The following DNAH10 variants were observed in gnomAD, a reference collection of about 807,000 sequenced individuals.
DNAH10 encodes axonemal beta dynein heavy chain 10.
A neutral mutation model predicts 506.6 loss-of-function variants in DNAH10; 348 were observed. The observed-to-expected ratio is 0.69, with a 90% confidence interval of 0.63 to 0.75. The LOEUF (loss-of-function observed/expected upper bound fraction) is 0.75, where lower values mean the gene tolerates loss of function less well. Ranked by LOEUF, DNAH10 falls within the 30% of genes least tolerant of loss-of-function variation. The pLI is 0.00. For synonymous variants in DNAH10, 2,059 were observed against 2,198.6 expected (o/e 0.94, Z 1.78); for missense variants, 5,179 against 5,787.1 (o/e 0.89, Z 3.41).
chr12:123,928,644 A>C lies in DNAH10; in HGVS notation c.12306+57A>C, dbSNP rs1384002266. The C allele has an allele frequency of 3.3e-6, 5 of 1,522,636 alleles. No homozygotes were observed. Among genetic ancestry groups the C allele is most frequent in the Non-Finnish European group, 4.4e-6 (5 of 1,127,924 alleles). 94.3% of individuals were successfully genotyped at this position (1,522,636 alleles called of 1,614,324 possible). A position where few individuals can be genotyped will look rare whatever the true frequency, so the allele number is the denominator to read the frequency against. Reference sequence around the variant, plus strand: ...GCACGCAGCTTCTCAGAACACCTGCATGCTGCTCTGGGGCCGGGGTGTGCC... The same window carrying C: ...GCACGCAGCTTCTCAGAACACCTGCCTGCTGCTCTGGGGCCGGGGTGTGCC... On this transcript the variant is annotated intron_variant, in intron 70 of 78. Transcript: ENST00000673944. This position sits in a 1 kb window ranked among gnomAD's most constrained non-coding sequence, Gnocchi z 4.9.
At position 123,762,861 on chromosome 12, in the gene DNAH10, C is replaced by A. The variant is rs1428924572; in HGVS notation, c.214+311C>A. Among the ~76,000 whole-genome samples, 1 of 152,246 alleles carries A rather than the reference C, an allele frequency of 6.6e-6. No individual in the cohort carries two copies. The highest frequency in any genetic ancestry group is 1.5e-5 in the Non-Finnish European group (1 of 68,044). ...GTATCAACTCCTTAACCCTACGAGGCGGGTGTATCCTCATCCCTATTTTAC... is the reference window on the plus strand; with the variant it reads ...GTATCAACTCCTTAACCCTACGAGGAGGGTGTATCCTCATCCCTATTTTAC... On this transcript the variant is annotated intron_variant, in intron 1 of 78. Transcript: ENST00000673944. This position sits in a 1 kb window ranked among gnomAD's most constrained non-coding sequence, Gnocchi z 5.0.
chr12:123,874,915 A>C (rs1030910436), intron 46 of DNAH10, among the ~76,000 whole-genome samples: 1 of 152,306 alleles, frequency 6.6e-6, no homozygotes, highest in East Asian at 1.9e-4. Flanking sequence ...CCATCTGTCC[A>C]TCCATCCATC....
intron 28 of DNAH10, among the ~76,000 whole-genome samples, chr12:123,837,356 A>G (rs1436631965): frequency 6.6e-6 from 1 of 151,688 alleles, no homozygotes; most frequent in Non-Finnish European, 1.5e-5. Context: ...AAAAAAGAAA[A>G]AAGAAAAAGA....
At chr12:123,897,405 CT>C (rs1490026215) in intron 54 of DNAH10, among the ~76,000 whole-genome samples, 4 of 152,120 alleles carry the variant, frequency 2.6e-5, no homozygotes, top group Non-Finnish European at 5.9e-5. Flanking sequence ...ATATTTAACT[CT>C]TTGAAGAATC....
intron 48 of DNAH10, 70 bp downstream of exon 48, chr12:123,877,978 G>A: frequency 6.6e-7 from 1 of 1,510,596 alleles, no homozygotes; most frequent in South Asian, 1.3e-5. Context: ...TTAAGACAGA[G>A]GGCTTATCAG....
intron 45 of DNAH10, 46 bp from the exon 46 acceptor site, chr12:123,873,512 C>T (rs375941993): frequency 4.5e-6 from 7 of 1,568,048 alleles, no homozygotes; most frequent in Non-Finnish European, 5.2e-6. Flanking sequence ...ACTGCTGCTA[C>T]CCTGGGGAAA....
intron 30 of DNAH10, among the ~76,000 whole-genome samples, chr12:123,844,936 A>T (rs867344387): frequency 6.6e-6 from 1 of 152,122 alleles, no homozygotes; most frequent in African/African-American, 2.4e-5. Context: ...CACCGTGCCC[A>T]GCCTGGAATA....
At chr12:123,870,256 A>G (rs377316547) in intron 43 of DNAH10, 110 bp from the exon 44 acceptor site, 4 of 1,411,414 alleles carry the variant, frequency 2.8e-6, no homozygotes, top group African/African-American at 1.4e-5. Context: ...AGTACTCACT[A>G]TGGCCTCCGT....
chr12:123,865,812 A>T, intron 40 of DNAH10, 139 bp from the exon 41 acceptor site: 1 of 776,978 alleles, frequency 1.3e-6, no homozygotes, highest in Non-Finnish European at 1.8e-6. Context: ...TCAGTTAAAA[A>T]GCTCATGGAA....
intron 30 of DNAH10, among the ~76,000 whole-genome samples, chr12:123,844,233 C>T (rs966530646): frequency 9.9e-5 from 15 of 152,116 alleles, no homozygotes; most frequent in Non-Finnish European, 7.4e-5. Context: ...ATGGGGAAAC[C>T]GCCCCCATGA....
At chr12:123,856,376 G>T (rs112189360) in intron 36 of DNAH10, among the ~76,000 whole-genome samples, 2,209 of 150,420 alleles carry the variant, frequency 0.015, 31 homozygotes, top group East Asian at 0.053. Flanking sequence ...TTTCACTCTT[G>T]TCACGCCAGG....
In DNAH10 at chr12:123,772,117, T is replaced by C. The variant is rs564764137; in HGVS notation, c.396+419T>C. Among the ~76,000 whole-genome samples, 3 of 152,230 alleles carry C rather than the reference T, an allele frequency of 2.0e-5. No individual in the cohort carries two copies. The South Asian group carries it at 6.2e-4, about 32-fold the overall frequency. ...CCTGAGCCTTGCTGTCTGGGGTTTT[T>C]AATGGGGATCAGTCACACAGGCATG... On this transcript the variant is annotated intron_variant, in intron 3 of 78. Transcript: ENST00000673944.
chr12:123,902,761 C>T lies in DNAH10; in HGVS notation c.9641-178C>T, dbSNP rs891699505. ...TGGCTGCCTAGTGCTGGAGGCCCCA[C>T]GCATGGTGAGGTTTTCTGTCCCACC... is the stretch of plus-strand genomic sequence containing the variant. On this transcript the variant is annotated intron_variant, in intron 56 of 78. Coordinates refer to ENST00000673944, the MANE Select transcript of DNAH10 (RefSeq NM_001372106.1). This position sits in a 1 kb window ranked among gnomAD's most constrained non-coding sequence, Gnocchi z 4.5. Among the ~76,000 whole-genome samples, 3 of 152,270 alleles carry T rather than the reference C, an allele frequency of 2.0e-5. No homozygotes were observed. The highest frequency in any genetic ancestry group is 1.9e-4 in the East Asian group (1 of 5,168).
In DNAH10 at chr12:123,916,738, T is replaced by C; in HGVS notation, c.11002+2T>C. 1 of 1,603,036 alleles carries C rather than the reference T, an allele frequency of 6.2e-7. No individual in the cohort carries two copies. Among genetic ancestry groups the C allele is most frequent in the Non-Finnish European group, 8.5e-7 (1 of 1,173,646 alleles). ...AAGCTATGGTGATCAATTACACTGG[T>C]AAGAATGTGTAGAACCTCCACTGCT... is the stretch of plus-strand genomic sequence containing the variant. On this transcript the variant is annotated splice_donor_variant, in intron 63 of 78. Coordinates refer to ENST00000673944, the MANE Select transcript of DNAH10 (RefSeq NM_001372106.1). LOFTEE classifies it high-confidence loss of function. This position sits in a 1 kb window ranked among gnomAD's most constrained non-coding sequence, Gnocchi z 4.6.
chr12:123,873,961 C>T (rs1352187217), intron 46 of DNAH10, among the ~76,000 whole-genome samples: 2 of 152,126 alleles, frequency 1.3e-5, no homozygotes, highest in Non-Finnish European at 2.9e-5. Flanking sequence ...AGCCAGCAGC[C>T]TTTGAACTAA....
At chr12:123,834,765 A>G (rs1363415830) in intron 27 of DNAH10, among the ~76,000 whole-genome samples, 2 of 152,240 alleles carry the variant, frequency 1.3e-5, no homozygotes, top group African/African-American at 2.4e-5. Context: ...TATAAGCGGA[A>G]TGACACAATA....
rs1954515753 is a variant in DNAH10 at position 123,917,121 on chromosome 12, T to C, written c.11002+385T>C. Among the ~76,000 whole-genome samples the C allele has an allele frequency of 6.6e-6, 1 of 152,250 alleles. No individual in the cohort carries two copies. Among genetic ancestry groups the C allele is most frequent in the Non-Finnish European group, 1.5e-5 (1 of 68,044 alleles). On this transcript the variant is annotated intron_variant, in intron 63 of 78. Coordinates refer to ENST00000673944, the MANE Select transcript of DNAH10 (RefSeq NM_001372106.1). The surrounding 1 kb of genome is among the most constrained non-coding windows in gnomAD (Gnocchi z 5.6). ...TGTTATCTCTTACATTCTCTAGGGC[T>C]GTCATGCTCCTGCTTAAATAGGCTA...
chr12:123,833,372 T>C, intron 27 of DNAH10, 25 bp downstream of exon 27: 11 of 1,577,256 alleles, frequency 7.0e-6, no homozygotes, highest in Non-Finnish European at 8.7e-6. Flanking sequence ...GAACAAAAGA[T>C]GGATTAGAGC....
intron 35 of DNAH10, among the ~76,000 whole-genome samples, chr12:123,852,807 C>T (rs1436523067): frequency 1.3e-5 from 2 of 152,040 alleles, no homozygotes; most frequent in Non-Finnish European, 2.9e-5. Flanking sequence ...CTCTTGACCT[C>T]AGGTGATCCA....
Sources: gnomAD v4.1 joint callset for allele counts (sites outside exome capture counted in the v4.1 genomes callset) on GRCh38, gnomAD v4.1.1 for gene constraint, Gnocchi (gnomAD v3.1) non-coding constraint, MANE v1.5 for transcripts, NCBI Gene and HGNC (gene_info 2026-07-23, HGNC 2026-07-21) for gene names.